Variants in TMEM131 observed in about 807,000 individuals in gnomAD.
TMEM131 encodes transmembrane protein 131, also known as 2610524E03Rik.
Under a neutral mutation model 211.6 loss-of-function variants are expected in TMEM131, and 66 were observed. The ratio of observed to expected loss-of-function variants is 0.31; its 90% CI spans 0.26 to 0.38. The LOEUF is 0.38. TMEM131 is among the 10% of genes least tolerant of loss of function. The pLI is 1.00. For synonymous variants in TMEM131, 844 were observed against 841.3 expected, an observed-to-expected ratio of 1.00 and a Z score of -0.06; for missense variants, 2,036 against 2,299.3, an observed-to-expected ratio of 0.89 and a Z score of 2.34.
At chr2:97,831,716 C>T (rs1305711123) in intron 11 of TMEM131, among the ~76,000 whole-genome samples, 2 of 120,552 alleles carry the variant, frequency 1.7e-5, no homozygotes, top group African/African-American at 6.4e-5. Context: ...GTTGCCCAGG[C>T]TGGAGCACAG....
rs1174064113 is a variant in TMEM131, at chr2:97,787,723, T to G, written c.4144+4663A>C. On this transcript the variant is annotated intron_variant, in intron 31 of 40. Transcript: ENST00000186436. ...ACAGTCTTCTGCATCGTGTGGTGCATGACTACATACCTTTCCAAAATTCTG... is the reference window on the plus strand; with the variant it reads ...ACAGTCTTCTGCATCGTGTGGTGCAGGACTACATACCTTTCCAAAATTCTG... Among the ~76,000 whole-genome samples the G allele has an allele frequency of 2.6e-5, 4 of 152,322 alleles. No homozygotes were observed. In the East Asian group the frequency reaches 7.7e-4, roughly 29 times the overall value.
chr2:97,843,754 T>C (rs1450535176), intron 6 of TMEM131, among the ~76,000 whole-genome samples: 2 of 152,134 alleles, frequency 1.3e-5, no homozygotes, highest in African/African-American at 4.8e-5. Context: ...TAAACCAAAA[T>C]TCTATGTAAA....
In TMEM131 at chr2:97,930,352, T is replaced by C. The variant is rs1485660754; in HGVS notation, c.188-2865A>G. 2.6e-5 allele frequency among the ~76,000 whole-genome samples: 4 copies of C among 151,810 alleles called. 1 individual carries two copies. The highest frequency in any genetic ancestry group is 7.3e-5 in the African/African-American group (3 of 41,106). On this transcript the variant is annotated intron_variant, in intron 1 of 40. Transcript: ENST00000186436. ...GCTGATCTAACTGAAGAGAACTACA[T>C]AAAGGCAGTAGTTTGGGTATACTGC...
chr2:97,856,366 T>A (rs953372418), intron 5 of TMEM131, among the ~76,000 whole-genome samples: 2 of 152,200 alleles, frequency 1.3e-5, no homozygotes, highest in African/African-American at 4.8e-5. Flanking sequence ...CCATACCCCG[T>A]ACCTCTCTTA....
chr2:97,899,073 T>A (rs1675739338), intron 3 of TMEM131, among the ~76,000 whole-genome samples: 1 of 152,114 alleles, frequency 6.6e-6, no homozygotes, highest in Admixed American at 6.6e-5. Context: ...TTCCTTCACG[T>A]ACTTTAAAGC....
intron 1 of TMEM131, among the ~76,000 whole-genome samples, chr2:97,982,324 GA>G (rs1452630881): frequency 5.3e-5 from 8 of 151,998 alleles, no homozygotes; most frequent in African/African-American, 1.9e-4. Context: ...TTTATTAGGA[GA>G]AATGCCTATT....
intron 11 of TMEM131, 65 bp downstream of exon 11, chr2:97,833,300 A>T: frequency 2.6e-6 from 2 of 782,264 alleles, no homozygotes; most frequent in Non-Finnish European, 4.1e-6. Context: ...AATTATTTTT[A>T]ACTTTGTCAT....
chr2:97,883,940 TCTTA>T (rs796079316), intron 4 of TMEM131, among the ~76,000 whole-genome samples: 35 of 152,298 alleles, frequency 2.3e-4, no homozygotes, highest in African/African-American at 7.0e-4. Context: ...TTGATTTTGA[TCTTA>T]CTTATTTCCT....
intron 1 of TMEM131, among the ~76,000 whole-genome samples, chr2:97,988,805 T>G (rs997859486): frequency 9.2e-5 from 14 of 152,236 alleles, no homozygotes; most frequent in African/African-American, 3.4e-4. Flanking sequence ...CCTTGTGCAT[T>G]ATTCACGGGA....
intron 1 of TMEM131, among the ~76,000 whole-genome samples, chr2:97,943,046 AAAGAAAGAAAGAAAGAAAG>A (rs1559464517): frequency 0.22 from 22,116 of 99,136 alleles, 2,642 homozygotes; most frequent in Middle Eastern, 0.28. Context: ...GAAAAGAAAG[AAAGAAAGAAAGAAAGAAAG>A]AAAGAAAGAA....
chr2:97,925,392 G>A lies in TMEM131; in HGVS notation c.249+2034C>T, dbSNP rs904231607. On this transcript the variant is annotated intron_variant, in intron 2 of 40. Transcript: ENST00000186436. The stretch of plus-strand genomic sequence containing the variant: ...TATGGCCTTAATGTGGATTTCTTCT[G>A]TTGAGATGCAGATTCCTCAGAGTCC... Among the ~76,000 whole-genome samples the A allele has an allele frequency of 3.3e-5, 5 of 152,186 alleles. No individual in the cohort carries two copies. In the South Asian group the frequency reaches 8.3e-4, roughly 25 times the overall value.
At position 97,811,111 on chromosome 2, in the gene TMEM131, C is replaced by A. The variant is rs374517435; in HGVS notation, c.1968+17G>T. 8.3e-6 allele frequency: 13 copies of A among 1,564,014 alleles called. No individual in the cohort carries two copies. The highest frequency in any genetic ancestry group is 1.4e-5 in the African/African-American group (1 of 73,764). ...TCAGAAAAACCCCACTGCCATGAAT[C>A]CCCATAAAGTCCTTACCTCATAGTC... On this transcript the variant is annotated intron_variant, in intron 18 of 40. Coordinates refer to ENST00000186436, the MANE Select transcript of TMEM131 (RefSeq NM_015348.2).
At chr2:97,851,157 C>T (rs1281492822) in intron 5 of TMEM131, among the ~76,000 whole-genome samples, 2 of 151,946 alleles carry the variant, frequency 1.3e-5, no homozygotes, top group African/African-American at 4.8e-5. Context: ...TTCAGATATA[C>T]ACTAGTGACT....
Position 97,766,602 on chromosome 2 carries a change from A to G in TMEM131, c.4449T>C (p.Ser1483=). 1 of 1,613,480 alleles carries G rather than the reference A, an allele frequency of 6.2e-7. No homozygotes were observed. The highest frequency in any genetic ancestry group is 8.5e-7 in the Non-Finnish European group (1 of 1,179,654). The part of the protein sequence containing the change: ...KKEIPTDVKP[S]SLELPYTPPL... ...GGGGAGTATATGGTAGTTCTAATGA[A>G]CTGAAAGACAATCAGGGATGGAAAA... The change falls in exon 34 of 41, where the codon AGT becomes AGC. Residue 1483 remains serine, a splice_region_variant and synonymous_variant. Transcript: ENST00000186436.
At chr2:97,825,635 T>G (rs548710650) in intron 11 of TMEM131, among the ~76,000 whole-genome samples, 9 of 152,288 alleles carry the variant, frequency 5.9e-5, no homozygotes, top group Admixed American at 4.6e-4. Flanking sequence ...AGCTCCAGCT[T>G]TAAGCCTTCT....
intron 33 of TMEM131, among the ~76,000 whole-genome samples, chr2:97,771,529 C>T (rs1018064027): frequency 6.6e-6 from 1 of 152,192 alleles, no homozygotes; most frequent in African/African-American, 2.4e-5. Flanking sequence ...ATTCGACTTC[C>T]TCTGTCACTT....
chr2:97,855,915 A>G (rs1439275640), intron 5 of TMEM131, among the ~76,000 whole-genome samples: 9 of 152,218 alleles, frequency 5.9e-5, no homozygotes, highest in Admixed American at 2.0e-4. Flanking sequence ...TCTAATTAAA[A>G]TAATCATTAA....
chr2:97,902,470 T>C (rs551066595), intron 3 of TMEM131, among the ~76,000 whole-genome samples: 118 of 152,284 alleles, frequency 7.7e-4, no homozygotes, highest in African/African-American at 2.3e-3. Flanking sequence ...TGTATCAAAA[T>C]TGGAGGCATC....
intron 32 of TMEM131, among the ~76,000 whole-genome samples, chr2:97,775,294 T>C (rs1166509516): frequency 6.6e-6 from 1 of 152,116 alleles, no homozygotes; most frequent in Non-Finnish European, 1.5e-5. Context: ...TGCTGATGTG[T>C]CCTGGGCTGG....
Sources: allele counts gnomAD v4.1 joint callset (sites outside exome capture counted in the v4.1 genomes callset), GRCh38; gene constraint gnomAD v4.1.1; transcripts MANE v1.5; gene names NCBI Gene and HGNC (gene_info 2026-07-23, HGNC 2026-07-21).